The following CELF2 variants were observed in gnomAD, a reference collection of about 807,000 sequenced individuals.
The protein encoded by CELF2 is CUGBP Elav-like family member 2.
A neutral mutation model predicts 62.6 loss-of-function variants in CELF2; 8 were observed. The observed-to-expected ratio is 0.13, with a 90% CI of 0.07 to 0.23. The LOEUF is 0.23. Among genes scored for constraint, CELF2 ranks in the 10% least tolerant of loss-of-function variants. CELF2 has a pLI of 1.00. For synonymous variants in CELF2, 258 were observed against 250.0 expected, an observed-to-expected ratio of 1.03 and a Z score of -0.30; for missense variants, 333 against 671.0, an observed-to-expected ratio of 0.50 and a Z score of 5.56.
chr10:11,296,258 C>T lies in CELF2; in HGVS notation c.976+7706C>T, dbSNP rs1036576366. Among the ~76,000 whole-genome samples, 1 of 152,110 alleles carries T rather than the reference C, an allele frequency of 6.6e-6. No individual in the cohort carries two copies. On this transcript the variant is annotated intron_variant, in intron 9 of 12. Transcript: ENST00000633077. The surrounding 1 kb of genome is among the most constrained non-coding windows in gnomAD (Gnocchi z 5.0). ...CGTATTTGCTTTTTGCTGTTGGTGG[C>T]GCTGGACTCTGTGCTAAGTGTGATT...
At chr10:10,645,125 T>C in the CELF2 span, among the ~76,000 whole-genome samples, 4 of 152,304 alleles carry the variant, frequency 2.6e-5, no homozygotes, top group African/African-American at 9.6e-5. Context: ...GGGTGCCATG[T>C]AGCTTGCTTA....
chr10:10,757,188 T>C, the CELF2 span, among the ~76,000 whole-genome samples: 1 of 152,112 alleles, frequency 6.6e-6, no homozygotes, highest in African/African-American at 2.4e-5. Flanking sequence ...CCAAATGCAA[T>C]GGCTCACACC....
At chr10:10,529,282 C>T in the CELF2 span, among the ~76,000 whole-genome samples, 1 of 152,156 alleles carries the variant, frequency 6.6e-6, no homozygotes, top group African/African-American at 2.4e-5. Context: ...TCTTAAGCAG[C>T]TGTCATGCAG....
At chr10:11,206,415 T>C (rs913836162) in intron 2 of CELF2, among the ~76,000 whole-genome samples, 18 of 152,246 alleles carry the variant, frequency 1.2e-4, no homozygotes, top group Admixed American at 1.0e-3. Flanking sequence ...TTAGAAACTT[T>C]CTTCTAATGA....
chr10:11,005,294 G>C, upstream of CELF2: 2 of 1,570,276 alleles, frequency 1.3e-6, no homozygotes, highest in Non-Finnish European at 1.7e-6. This position sits in a 1 kb window ranked among gnomAD's most constrained non-coding sequence, Gnocchi z 4.3. Flanking sequence ...GAGAGAGAGA[G>C]GGAGGAGAGG....
chr10:10,889,497 G>A (rs991476849), intron 1 of CELF2, among the ~76,000 whole-genome samples: 1 of 152,166 alleles, frequency 6.6e-6, no homozygotes, highest in Non-Finnish European at 1.5e-5. Flanking sequence ...TAAAATCAGA[G>A]GTTTTGCATA....
chr10:11,090,399 A>T (rs1336727783), intron 1 of CELF2, among the ~76,000 whole-genome samples: 1 of 152,164 alleles, frequency 6.6e-6, no homozygotes, highest in Non-Finnish European at 1.5e-5. Context: ...CTGAATCTGG[A>T]TATGCTGCTT....
At chr10:10,652,968 A>G in the CELF2 span, among the ~76,000 whole-genome samples, 2 of 152,160 alleles carry the variant, frequency 1.3e-5, no homozygotes, top group African/African-American at 4.8e-5. Flanking sequence ...TACTCAGGAA[A>G]CCCATCTCAT....
In CELF2 at chr10:11,302,439, G is replaced by A. The variant is rs142474122; in HGVS notation, c.977-11700G>A. Among the ~76,000 whole-genome samples, 28 of 152,180 alleles carry A rather than the reference G, an allele frequency of 1.8e-4. No homozygotes were observed. The highest frequency in any genetic ancestry group is 3.8e-4 in the Non-Finnish European group (26 of 68,032). ...CCCCAGGTGGTGCCGATGCGGGCGA[G>A]GCTGTAACTTTACAGTAACGATCTT... On this transcript the variant is annotated intron_variant, in intron 9 of 12. Transcript: ENST00000633077. This position sits in a 1 kb window ranked among gnomAD's most constrained non-coding sequence, Gnocchi z 5.0.
Position 11,306,446 on chromosome 10 carries a change from T to C in CELF2, c.977-7693T>C, listed in dbSNP as rs1374484357. Among the ~76,000 whole-genome samples, 1 of 152,092 alleles carries C rather than the reference T, an allele frequency of 6.6e-6. No individual in the cohort carries two copies. The highest frequency in any genetic ancestry group is 1.5e-5 in the Non-Finnish European group (1 of 68,000). The stretch of plus-strand genomic sequence containing the variant: ...GGGTGTTGGTGGCACCGCATGTGTC[T>C]CTGTCTAAGACCTCTTTCTCAATTG... On this transcript the variant is annotated intron_variant, in intron 9 of 12. Transcript: ENST00000633077. This position sits in a 1 kb window ranked among gnomAD's most constrained non-coding sequence, Gnocchi z 4.4.
rs1435532534 is a variant in CELF2 at position 11,333,004 on chromosome 10, TTTCA to T, written c.*3955_*3958del. ...CCCACCACTTGAATTTCTAAGACCA[TTTCA>T]TTCTGAAACTTCTTATCAATTACCT... On this transcript the variant is annotated 3_prime_UTR_variant, in exon 13 of 13. Coordinates refer to ENST00000633077, the MANE Select transcript of CELF2 (RefSeq NM_001326342.2). 6.6e-6 allele frequency: 1 copy of T among 152,562 alleles called. No homozygotes were observed. The highest frequency in any genetic ancestry group is 1.5e-5 in the Non-Finnish European group (1 of 68,044). The allele number at this position is 152,562 out of a possible 1,614,324, so 9.5% of individuals were successfully genotyped here. A position where few individuals can be genotyped will look rare whatever the true frequency, so the allele number is the denominator to read the frequency against.
At chr10:11,032,739 A>G (rs1324144694) in intron 1 of CELF2, among the ~76,000 whole-genome samples, 19 of 152,226 alleles carry the variant, frequency 1.2e-4, no homozygotes, top group Admixed American at 1.2e-3. Flanking sequence ...AGAATAAATA[A>G]TTGACGAAGG....
the CELF2 span, among the ~76,000 whole-genome samples, chr10:10,775,181 G>T: frequency 9.9e-5 from 15 of 152,120 alleles, no homozygotes; most frequent in Admixed American, 3.3e-4. Context: ...CTAGCGTGAG[G>T]TCATGTTTTA....
chr10:11,304,383 A>G (rs924920814), intron 9 of CELF2, among the ~76,000 whole-genome samples: 16 of 152,198 alleles, frequency 1.1e-4, no homozygotes. Flanking sequence ...CTGATCAGCA[A>G]CTTTCCTAGT....
At chr10:10,911,500 C>T (rs1251724115) in intron 1 of CELF2, among the ~76,000 whole-genome samples, 1 of 152,198 alleles carries the variant, frequency 6.6e-6, no homozygotes, top group African/African-American at 2.4e-5. Flanking sequence ...ATGCCTCTGA[C>T]GGCTCCGACT....
the CELF2 span, among the ~76,000 whole-genome samples, chr10:10,467,234 A>G: frequency 6.6e-6 from 1 of 152,096 alleles, no homozygotes; most frequent in African/African-American, 2.4e-5. Context: ...ACACAGTTAT[A>G]TCATGCATTT....
intron 2 of CELF2, among the ~76,000 whole-genome samples, chr10:10,951,112 T>G (rs1448400681): frequency 1.3e-5 from 2 of 152,184 alleles, no homozygotes; most frequent in Non-Finnish European, 2.9e-5. Flanking sequence ...CAGAACAAAT[T>G]CTTCAAACCA....
At chr10:11,133,182 T>A (rs1298560777) in intron 1 of CELF2, among the ~76,000 whole-genome samples, 1 of 152,170 alleles carries the variant, frequency 6.6e-6, no homozygotes, top group Non-Finnish European at 1.5e-5. Context: ...CACATCTAAC[T>A]TCTCCCGAAG....
the CELF2 span, among the ~76,000 whole-genome samples, chr10:10,583,396 A>G: frequency 2.6e-5 from 4 of 152,194 alleles, no homozygotes; most frequent in African/African-American, 9.7e-5. Context: ...CCATGGGGAA[A>G]GTAATTCAGG....
Sources: gnomAD v4.1 joint callset for allele counts (sites outside exome capture counted in the v4.1 genomes callset) on GRCh38, gnomAD v4.1.1 for gene constraint, Gnocchi (gnomAD v3.1) non-coding constraint, MANE v1.5 for transcripts, NCBI Gene and HGNC (gene_info 2026-07-23, HGNC 2026-07-21) for gene names.